Variants in THSD4 observed in about 807,000 individuals in gnomAD.
The protein encoded by THSD4 is thrombospondin type-1 domain-containing protein 4.
THSD4 carries 69 observed loss-of-function variants against 119.0 expected under a neutral mutation model. The ratio of observed to expected loss-of-function variants is 0.58; its 90% CI spans 0.48 to 0.71. THSD4 has a LOEUF of 0.71. Ranked by LOEUF, THSD4 falls within the 30% of genes least tolerant of loss-of-function variation. The pLI is 0.00. For missense variants in THSD4, 1,393 were observed against 1,391.1 expected (o/e 1.00, Z -0.02); for synonymous variants, 524 against 540.4 (o/e 0.97, Z 0.42).
intron 3 of THSD4, among the ~76,000 whole-genome samples, chr15:71,161,095 C>T (rs2043246091): frequency 6.6e-6 from 1 of 152,040 alleles, no homozygotes; most frequent in African/African-American, 2.4e-5. Flanking sequence ...TCTAGTTTTA[C>T]ACCATTGTGG....
At chr15:71,345,126 G>T (rs1236209677) in intron 6 of THSD4, among the ~76,000 whole-genome samples, 2 of 139,880 alleles carry the variant, frequency 1.4e-5, no homozygotes, top group Non-Finnish European at 3.0e-5. Context: ...TGTGATATTG[G>T]CTGTAATTAT....
intron 8 of THSD4, among the ~76,000 whole-genome samples, chr15:71,691,394 C>T (rs1247568553): frequency 6.6e-6 from 1 of 152,236 alleles, no homozygotes; most frequent in East Asian, 1.9e-4. Context: ...CATCCTGCTA[C>T]TCAAGGCAGG....
At chr15:71,580,914 A>G (rs1016997079) in intron 7 of THSD4, among the ~76,000 whole-genome samples, 7 of 152,056 alleles carry the variant, frequency 4.6e-5, no homozygotes, top group African/African-American at 9.7e-5. Flanking sequence ...TGTGTGTTAT[A>G]TATATACACA....
At chr15:71,319,218 A>G (rs951627145) in intron 6 of THSD4, among the ~76,000 whole-genome samples, 3 of 152,150 alleles carry the variant, frequency 2.0e-5, no homozygotes, top group African/African-American at 7.2e-5. Context: ...GGAACACCAC[A>G]ATGTTGACAT....
At chr15:71,351,132 C>T (rs1352727728) in intron 6 of THSD4, among the ~76,000 whole-genome samples, 1 of 152,196 alleles carries the variant, frequency 6.6e-6, no homozygotes, top group Admixed American at 6.5e-5. Flanking sequence ...AGAAGTCCAT[C>T]TGCATTCTGT....
chr15:71,464,332 C>T (rs1292805154), intron 7 of THSD4, among the ~76,000 whole-genome samples: 1 of 152,330 alleles, frequency 6.6e-6, no homozygotes, highest in African/African-American at 2.4e-5. Flanking sequence ...GATGAGAAGA[C>T]TGGGTTCCAG....
chr15:71,543,844 A>G (rs554094728), intron 7 of THSD4, among the ~76,000 whole-genome samples: 1 of 152,272 alleles, frequency 6.6e-6, no homozygotes, highest in Non-Finnish European at 1.5e-5. Context: ...CCTGACCAAC[A>G]TGGAGAAACC....
intron 7 of THSD4, among the ~76,000 whole-genome samples, chr15:71,522,737 A>G (rs181744568): frequency 2.7e-4 from 41 of 152,318 alleles, no homozygotes; most frequent in South Asian, 2.3e-3. Flanking sequence ...GGAATAGATG[A>G]TTTAACACCT....
chr15:71,645,435 TG>T (rs1421836404), intron 7 of THSD4, among the ~76,000 whole-genome samples: 1 of 152,160 alleles, frequency 6.6e-6, no homozygotes, highest in Non-Finnish European at 1.5e-5. Context: ...GAGAATAGCA[TG>T]GGGGAAACTG....
chr15:71,617,536 C>T (rs1210700418), intron 7 of THSD4, among the ~76,000 whole-genome samples: 1 of 152,164 alleles, frequency 6.6e-6, no homozygotes, highest in Non-Finnish European at 1.5e-5. Context: ...CTTGGAGCTG[C>T]TGCCTTTCAT....
At chr15:71,745,903 C>T (rs1019268453) in intron 12 of THSD4, among the ~76,000 whole-genome samples, 14 of 152,308 alleles carry the variant, frequency 9.2e-5, no homozygotes, top group African/African-American at 3.4e-4. Flanking sequence ...CCTCAGCCTC[C>T]CAAAGTGCTG....
At chr15:71,296,494 G>A (rs1487772630) in intron 6 of THSD4, among the ~76,000 whole-genome samples, 1 of 152,130 alleles carries the variant, frequency 6.6e-6, no homozygotes, top group Non-Finnish European at 1.5e-5. Context: ...TGCCTCTCGG[G>A]CAAGACGCAC....
At chr15:71,723,528 C>G (rs1189241617) in intron 8 of THSD4, among the ~76,000 whole-genome samples, 1 of 152,136 alleles carries the variant, frequency 6.6e-6, no homozygotes, top group Non-Finnish European at 1.5e-5. Flanking sequence ...ACATTCAATT[C>G]TTACTATGTG....
chr15:71,405,383 A>C (rs1052378092), intron 6 of THSD4, among the ~76,000 whole-genome samples: 4 of 152,232 alleles, frequency 2.6e-5, no homozygotes, highest in African/African-American at 7.2e-5. Flanking sequence ...ACTGCCATAT[A>C]TTTTAGAGTC....
chr15:71,333,342 T>A (rs969258312), intron 6 of THSD4, among the ~76,000 whole-genome samples: 3 of 152,118 alleles, frequency 2.0e-5, no homozygotes, highest in African/African-American at 7.2e-5. Flanking sequence ...TAAAGCCCCC[T>A]TGTTACTGTC....
At position 71,408,660 on chromosome 15, in the gene THSD4, T is replaced by G. The variant is rs141828292; in HGVS notation, c.1016-3027T>G. ...TGAGACCAGGAGTTTGAGACCACCC[T>G]GGGCAACATGGCAAAACCCCATCTC... is the stretch of plus-strand genomic sequence containing the variant. On this transcript the variant is annotated intron_variant, in intron 6 of 17. Transcript: ENST00000261862. 3.2e-3 allele frequency among the ~76,000 whole-genome samples: 494 copies of G among 152,216 alleles called. 2 individuals carry two copies. The highest frequency in any genetic ancestry group is 0.011 in the African/African-American group (477 of 41,564).
chr15:71,748,351 C>T lies in THSD4; in HGVS notation c.2242-70C>T, dbSNP rs533246798. ...TGGGGCTGATCACAAAGGCTGCGGG[C>T]TCCATACTGGCAATTCTCTCCCAGA... is the stretch of plus-strand genomic sequence containing the variant. On this transcript the variant is annotated intron_variant, in intron 13 of 17. Transcript: ENST00000261862. 5 of 1,576,622 alleles carry T rather than the reference C, an allele frequency of 3.2e-6. No individual in the cohort carries two copies. In the South Asian group the frequency reaches 4.7e-5, roughly 15 times the overall value.
intron 4 of THSD4, 131 bp from the exon 5 acceptor site, chr15:71,242,518 C>T (rs1220244478): frequency 2.1e-6 from 2 of 951,118 alleles, no homozygotes; most frequent in Non-Finnish European, 3.2e-6. Flanking sequence ...CCCCTGCTTC[C>T]CAGTTCTACC....
chr15:71,277,683 C>T (rs140877419), intron 6 of THSD4, among the ~76,000 whole-genome samples: 3 of 152,316 alleles, frequency 2.0e-5, no homozygotes, highest in African/African-American at 4.8e-5. Context: ...CTCTCATTCA[C>T]AGCCATTTCT....
Sources: gnomAD v4.1 joint callset for allele counts (sites outside exome capture counted in the v4.1 genomes callset) on GRCh38, gnomAD v4.1.1 for gene constraint, MANE v1.5 for transcripts, NCBI Gene and HGNC (gene_info 2026-07-23, HGNC 2026-07-21) for gene names.